TMEM45A: variants seen among roughly 807,000 people sequenced by gnomAD.
TMEM45A encodes the protein transmembrane protein 45A.
In TMEM45A, 25 loss-of-function variants were observed where a neutral mutation model predicts 32.0. The ratio of observed to expected loss-of-function variants is 0.78; its 90% CI spans 0.57 to 1.09. The LOEUF (loss-of-function observed/expected upper bound fraction) is 1.09, where lower values mean the gene tolerates loss of function less well. TMEM45A is among the 50% of genes least tolerant of loss of function. The pLI, the probability that TMEM45A is intolerant of heterozygous loss-of-function variation, is 0.00. For missense variants in TMEM45A, 302 were observed against 325.0 expected (o/e 0.93, Z 0.54); for synonymous variants, 122 against 114.8 (o/e 1.06, Z -0.40).
chr3:100,518,611 G>A (rs534259577), intron 1 of TMEM45A, among the ~76,000 whole-genome samples: 1 of 152,188 alleles, frequency 6.6e-6, no homozygotes, highest in African/African-American at 2.4e-5. Flanking sequence ...TTAAGCAAGA[G>A]ACAAGAAATG....
chr3:100,555,337 C>CA lies in TMEM45A; in HGVS notation c.130dup (p.Thr44AsnfsTer38), dbSNP rs1559649670. On this transcript the variant is annotated frameshift_variant, in exon 2 of 6. Coordinates refer to ENST00000323523, the MANE Select transcript of TMEM45A (RefSeq NM_018004.3). LOFTEE classifies it high-confidence loss of function. ...AAAAGCGAACCTGCTATCTTGGTTC[C>CA]AAAACATTATTCTATCGATTGGAAA... 1 of 1,613,890 alleles carries CA rather than the reference C, an allele frequency of 6.2e-7. No homozygotes were observed. Among genetic ancestry groups the CA allele is most frequent in the Admixed American group, 1.7e-5 (1 of 60,016 alleles).
chr3:100,530,999 C>CT (rs572007397), intron 1 of TMEM45A, among the ~76,000 whole-genome samples: 5 of 151,030 alleles, frequency 3.3e-5, no homozygotes, highest in African/African-American at 4.9e-5. Context: ...CACACCCAGG[C>CT]TTTTTTTTTC....
intron 1 of TMEM45A, among the ~76,000 whole-genome samples, chr3:100,518,892 A>G (rs1705362086): frequency 6.6e-6 from 1 of 152,230 alleles, no homozygotes; most frequent in Non-Finnish European, 1.5e-5. Context: ...TCAAATAATC[A>G]AGAGGCAGAC....
chr3:100,551,720 AG>A (rs1180460172), intron 1 of TMEM45A, among the ~76,000 whole-genome samples: 2 of 152,228 alleles, frequency 1.3e-5, no homozygotes, highest in African/African-American at 4.8e-5. Flanking sequence ...TGGGTTCCTT[AG>A]CCAGACAAAT....
intron 1 of TMEM45A, among the ~76,000 whole-genome samples, chr3:100,527,641 A>G (rs950893405): frequency 1.3e-5 from 2 of 152,166 alleles, no homozygotes; most frequent in Non-Finnish European, 2.9e-5. Flanking sequence ...CTGCAATTTT[A>G]TTGTGGGTGT....
chr3:100,512,064 A>G (rs964131954), intron 1 of TMEM45A, among the ~76,000 whole-genome samples: 2 of 152,190 alleles, frequency 1.3e-5, no homozygotes, highest in African/African-American at 4.8e-5. Flanking sequence ...AGACAGATCA[A>G]TGAGACAGAA....
chr3:100,519,753 C>A, intron 1 of TMEM45A: 1 of 808,372 alleles, frequency 1.2e-6, no homozygotes, highest in Non-Finnish European at 2.0e-6. Flanking sequence ...TGTGGCTGAT[C>A]AAGGCAAAGT....
chr3:100,558,788 C>T (rs905354745), intron 4 of TMEM45A, among the ~76,000 whole-genome samples, 199 bp downstream of exon 4: 7 of 152,172 alleles, frequency 4.6e-5, no homozygotes, highest in Non-Finnish European at 1.0e-4. Context: ...GGAAGTGGTG[C>T]GTGCACATCT....
At chr3:100,551,769 A>C (rs76535117) in intron 1 of TMEM45A, among the ~76,000 whole-genome samples, 1,748 of 152,280 alleles carry the variant, frequency 0.011, 25 homozygotes, top group African/African-American at 0.039. Flanking sequence ...TTTTGTTTGG[A>C]TCTTTAAACA....
At chr3:100,547,489 A>G (rs1370580521) in intron 1 of TMEM45A, among the ~76,000 whole-genome samples, 1 of 152,198 alleles carries the variant, frequency 6.6e-6, no homozygotes, top group Non-Finnish European at 1.5e-5. Flanking sequence ...CATAAGGAAG[A>G]TAAAATATAT....
At chr3:100,573,598 TCTC>T (rs935011176) in intron 5 of TMEM45A, 6 of 152,114 alleles carry the variant, frequency 3.9e-5, no homozygotes, top group African/African-American at 1.4e-4. Context: ...TTTATTTCCT[TCTC>T]CTGCCTGATT....
chr3:100,529,093 C>T (rs1269971011), intron 1 of TMEM45A, among the ~76,000 whole-genome samples: 1 of 152,126 alleles, frequency 6.6e-6, no homozygotes, highest in Non-Finnish European at 1.5e-5. Flanking sequence ...GTGGTGAATG[C>T]CATTGTTTCC....
intron 1 of TMEM45A, among the ~76,000 whole-genome samples, chr3:100,520,307 A>T (rs1305824161): frequency 2.0e-5 from 3 of 152,158 alleles, no homozygotes; most frequent in African/African-American, 7.2e-5. Context: ...CCTTCTTGTT[A>T]TTACCAACCA....
At chr3:100,501,757 A>G (rs1045051710) in intron 1 of TMEM45A, among the ~76,000 whole-genome samples, 1 of 152,144 alleles carries the variant, frequency 6.6e-6, no homozygotes, top group African/African-American at 2.4e-5. Context: ...CGTGGTAGTA[A>G]CATAGGTGTT....
chr3:100,523,818 T>C (rs74420888), intron 1 of TMEM45A, among the ~76,000 whole-genome samples: 33,205 of 123,840 alleles, frequency 0.27, 3,948 homozygotes, highest in African/African-American at 0.44. Context: ...TCCTCCTCCT[T>C]CTTCTTTTTC....
At chr3:100,498,463 A>G (rs1255643772) in intron 1 of TMEM45A, among the ~76,000 whole-genome samples, 1 of 152,196 alleles carries the variant, frequency 6.6e-6, no homozygotes, top group Non-Finnish European at 1.5e-5. Context: ...ACTTGAGACT[A>G]CAGCAAGTCT....
Position 100,555,350 on chromosome 3 carries a change from T to C in TMEM45A, c.139T>C (p.Tyr47His). Residue 47 changes from tyrosine to histidine, a missense_variant, in exon 2 of 6, where the codon TAT becomes CAT. Physicochemically the swap from Tyr to His is moderately conservative, Grantham distance 83. Transcript: ENST00000323523. ...CTATCTTGGTTCCAAAACATTATTCTATCGATTGGAAATTTTGGAGGGAAT... is the reference window on the plus strand; with the variant it reads ...CTATCTTGGTTCCAAAACATTATTCCATCGATTGGAAATTTTGGAGGGAAT... ...TCYLGSKTLF[Y>H]RLEILEGITI... The C allele has an allele frequency of 6.2e-7, 1 of 1,614,006 alleles. No individual in the cohort carries two copies. The highest frequency in any genetic ancestry group is 1.1e-5 in the South Asian group (1 of 91,054).
At position 100,556,971 on chromosome 3, in the gene TMEM45A, G is replaced by A. The variant is rs1285730143; in HGVS notation, c.402G>A (p.Glu134=). 6.2e-7 allele frequency: 1 copy of A among 1,613,936 alleles called. No homozygotes were observed. Among genetic ancestry groups the A allele is most frequent in the African/African-American group, 1.3e-5 (1 of 74,920 alleles). Residue 134 remains glutamate (E), a splice_region_variant and synonymous_variant, in exon 3 of 6, where the codon GAG becomes GAA. Coordinates refer to ENST00000323523, the MANE Select transcript of TMEM45A (RefSeq NM_018004.3). The part of the protein sequence containing the change: ...KLMLSNALFV[E]AFIFYNHTHG... ...TGTTGTCAAATGCCTTATTTGTGGA[G>A]GGTAAGTGTTAGTGAGTATTTTCAT...
chr3:100,569,904 A>G lies in TMEM45A; in HGVS notation c.734+937A>G, dbSNP rs183983047. Among the ~76,000 whole-genome samples the G allele has an allele frequency of 1.1e-3, 162 of 152,316 alleles. 3 individuals are homozygous for G. The highest frequency in any genetic ancestry group is 2.2e-4 in the Non-Finnish European group (15 of 68,024). ...TGGAGTTCAGGGGAGGCCTCTTTAC[A>G]ATTGAGAATGAAGCTGCAGCTTGAA... On this transcript the variant is annotated intron_variant, in intron 5 of 5. Coordinates refer to ENST00000323523, the MANE Select transcript of TMEM45A (RefSeq NM_018004.3).
Sources: gnomAD v4.1 joint callset for allele counts (sites outside exome capture counted in the v4.1 genomes callset) on GRCh38, gnomAD v4.1.1 for gene constraint, MANE v1.5 for transcripts, NCBI Gene and HGNC (gene_info 2026-07-23, HGNC 2026-07-21) for gene names.